The following TRAF7 variants were observed in gnomAD, a reference collection of about 807,000 sequenced individuals.
The protein encoded by TRAF7 is TNF receptor associated factor 7.
A neutral mutation model predicts 89.3 loss-of-function variants in TRAF7; 45 were observed. That is an observed-to-expected ratio of 0.50 (90% confidence interval 0.40 to 0.65). The LOEUF (loss-of-function observed/expected upper bound fraction) is 0.65, where lower values mean the gene tolerates loss of function less well. TRAF7 is among the 30% of genes least tolerant of loss of function. The pLI, the probability that TRAF7 is intolerant of heterozygous loss-of-function variation, is 0.00. For missense variants in TRAF7, 677 were observed against 918.1 expected (o/e 0.74, Z 3.39); for synonymous variants, 406 against 369.2 (o/e 1.10, Z -1.14).
chr16:2,176,538 T>G (rs1015064647), intron 20 of TRAF7, 22 bp from the exon 21 acceptor site: 1 of 1,613,238 alleles, frequency 6.2e-7, no homozygotes, highest in South Asian at 1.1e-5. Context: ...GACATCCTGG[T>G]GAAGCAGCCC....
Position 2,158,765 on chromosome 16 carries a change from C to T in TRAF7, c.-39+2907C>T, listed in dbSNP as rs555375461. Among the ~76,000 whole-genome samples the T allele has an allele frequency of 2.1e-3, 68 of 32,594 alleles. 1 individual carries two copies. In the East Asian group the frequency reaches 0.08, roughly 38 times the overall value. The allele number at this position is 32,594 out of a possible 152,430, so 21.4% of individuals were successfully genotyped here. On this transcript the variant is annotated intron_variant, in intron 1 of 20. Transcript: ENST00000326181. The surrounding 1 kb of genome is among the most constrained non-coding windows in gnomAD (Gnocchi z 4.7). ...AGCGTGGGACTGGGAAGCGTGGGCT[C>T]GGCGGGGGGGGGGGGGACACTGCCA...
Position 2,175,783 on chromosome 16 carries a change from C to T in TRAF7, c.1627-51C>T, listed in dbSNP as rs183953718. 114 of 1,606,580 alleles carry T rather than the reference C, an allele frequency of 7.1e-5. No individual in the cohort carries two copies. The African/African-American group carries it at 1.5e-3, about 21-fold the overall frequency. On this transcript the variant is annotated intron_variant, in intron 17 of 20. Transcript: ENST00000326181. ...CTGAAGCCCTGGGGGTGCGGGGGCCCTGGGGGTGAAGCACCTGGCCTGGGA... is the reference window on the plus strand; with the variant it reads ...CTGAAGCCCTGGGGGTGCGGGGGCCTTGGGGGTGAAGCACCTGGCCTGGGA...
chr16:2,160,797 G>T (rs1186720501), intron 1 of TRAF7, among the ~76,000 whole-genome samples: 3 of 152,032 alleles, frequency 2.0e-5, no homozygotes, highest in Admixed American at 6.5e-5. Flanking sequence ...CTTCCTGCCC[G>T]GCCACCCCCC....
chr16:2,165,693 C>T (rs554277228), intron 2 of TRAF7, among the ~76,000 whole-genome samples, 186 bp from the exon 3 acceptor site: 45 of 145,918 alleles, frequency 3.1e-4, no homozygotes, highest in Non-Finnish European at 5.3e-4. Context: ...GTTAGCGCTG[C>T]GTGGCGCGGC....
At chr16:2,157,801 G>A (rs2093041397) in intron 1 of TRAF7, among the ~76,000 whole-genome samples, 1 of 152,148 alleles carries the variant, frequency 6.6e-6, no homozygotes, top group South Asian at 2.1e-4. Flanking sequence ...GGCAGCCGTG[G>A]ACGAAGCAGA....
rs962874949 is a variant in TRAF7, at chr16:2,178,074, C to A, written c.*1500C>A. Reference sequence around the variant, plus strand: ...TTGTTAAAGTTATACCTTTTTGTTTCTCTGGGGAAATCCGCCTCAGCTCAT... The same window carrying A: ...TTGTTAAAGTTATACCTTTTTGTTTATCTGGGGAAATCCGCCTCAGCTCAT... On this transcript the variant is annotated 3_prime_UTR_variant, in exon 21 of 21. Coordinates refer to ENST00000326181, the MANE Select transcript of TRAF7 (RefSeq NM_032271.3). 1 of 486,874 alleles carries A rather than the reference C, an allele frequency of 2.1e-6. No individual in the cohort carries two copies. Among genetic ancestry groups the A allele is most frequent in the Admixed American group, 2.6e-5 (1 of 37,902 alleles). 30.2% of individuals were successfully genotyped at this position (486,874 alleles called of 1,614,324 possible). A position where few individuals can be genotyped will look rare whatever the true frequency, so the allele number is the denominator to read the frequency against.
At chr16:2,169,869 CA>C (rs2141282631) in intron 4 of TRAF7, among the ~76,000 whole-genome samples, 1 of 152,292 alleles carries the variant, frequency 6.6e-6, no homozygotes, top group East Asian at 1.9e-4. Context: ...GGAAGGGGGC[CA>C]GAGGCTCGGC....
intron 2 of TRAF7, among the ~76,000 whole-genome samples, chr16:2,165,038 A>C (rs1184346): frequency 5.4e-5 from 3 of 56,044 alleles, no homozygotes; most frequent in African/African-American, 1.0e-4. Context: ...TGAGTGCTGC[A>C]TGGCCTGGCC....
In TRAF7 at chr16:2,163,426, G is replaced by A. The variant is rs2093065456; in HGVS notation, c.-38-457G>A. On this transcript the variant is annotated intron_variant, in intron 1 of 20. Transcript: ENST00000326181. The surrounding 1 kb of genome is among the most constrained non-coding windows in gnomAD (Gnocchi z 4.3). ...GTCCTGACCGCACCTGTCGTGGCAG[G>A]AAACACATTCGTCGTGCCTTGGCTG... 5.6e-6 allele frequency: 1 copy of A among 178,908 alleles called. No individual in the cohort carries two copies. Among genetic ancestry groups the A allele is most frequent in the Admixed American group, 5.5e-5 (1 of 18,322 alleles). The allele number at this position is 178,908 out of a possible 1,614,324, so 11.1% of individuals were successfully genotyped here. A position where few individuals can be genotyped will look rare whatever the true frequency, so the allele number is the denominator to read the frequency against.
rs2093131912 is a variant in TRAF7 at position 2,175,500 on chromosome 16, G to T, written c.1504G>T (p.Val502Phe). The change falls in exon 17 of 21, where the codon GTC (valine) becomes TTC (phenylalanine). Residue 502 changes from valine (V) to phenylalanine (F), a missense_variant and splice_region_variant. By Grantham distance (50) the Val-to-Phe change is conservative. This residue lies in a region of TRAF7 where 160 missense variants were observed against 263.7 expected (regional missense o/e 0.61). Transcript: ENST00000326181. The part of the protein sequence containing the change: ...LFSGSLKAIK[V>F]WDIVGTELKL... ...CCCACAGTTGCAGCAATCCCTGCAG[G>T]TCTGGGACATCGTGGGCACTGAGCT... is the stretch of plus-strand genomic sequence containing the variant. 1 of 1,613,382 alleles carries T rather than the reference G, an allele frequency of 6.2e-7. No homozygotes were observed. Among genetic ancestry groups the T allele is most frequent in the Non-Finnish European group, 8.5e-7 (1 of 1,179,964 alleles).
In TRAF7 at chr16:2,173,229, C is replaced by A. The variant is rs762428798; in HGVS notation, c.842C>A (p.Thr281Asn). 9 of 1,612,754 alleles carry A rather than the reference C, an allele frequency of 5.6e-6. No individual in the cohort carries two copies. Among genetic ancestry groups the A allele is most frequent in the Middle Eastern group, 1.6e-4 (1 of 6,062 alleles). Residue 281 changes from threonine (T) to asparagine (N), a missense_variant, in exon 10 of 21, where the codon ACT becomes AAT. Transcript: ENST00000326181. ...GACACTTACGAGACCCACCTGGAGA[C>A]TTGCCGCTTCGAGGGCCTGAAGGAG... is the stretch of plus-strand genomic sequence containing the variant. The part of the protein sequence containing the change: ...NQDTYETHLE[T>N]CRFEGLKEFL...
chr16:2,176,886 CTG>C lies in TRAF7; in HGVS notation c.*314_*315del. On this transcript the variant is annotated 3_prime_UTR_variant, in exon 21 of 21. Transcript: ENST00000326181. The stretch of plus-strand genomic sequence containing the variant: ...ACTCACCTTTTCTACCGTTTTTAGA[CTG>C]TATGTAGATTTGGTTACCTCCTGGT... 2 of 540,738 alleles carry C rather than the reference CTG, an allele frequency of 3.7e-6. No individual in the cohort carries two copies. The highest frequency in any genetic ancestry group is 6.7e-6 in the Non-Finnish European group (2 of 299,102). 33.5% of individuals were successfully genotyped at this position (540,738 alleles called of 1,614,324 possible).
At chr16:2,172,768 G>A (rs76073047) in intron 9 of TRAF7, among the ~76,000 whole-genome samples, 169 bp downstream of exon 9, 5,280 of 152,224 alleles carry the variant, frequency 0.035, 152 homozygotes, top group Non-Finnish European at 0.047. Flanking sequence ...AGGGGGAGCC[G>A]AGGGCGTCCA....
In TRAF7 at chr16:2,157,244, A is replaced by G. The variant is rs566812883; in HGVS notation, c.-39+1386A>G. Among the ~76,000 whole-genome samples, 67 of 151,810 alleles carry G rather than the reference A, an allele frequency of 4.4e-4. 1 individual carries two copies. Among genetic ancestry groups the G allele is most frequent in the African/African-American group, 1.5e-3 (62 of 41,378 alleles). On this transcript the variant is annotated intron_variant, in intron 1 of 20. Transcript: ENST00000326181. ...CCTGACTTCACTGTTCTGGGCATTC[A>G]TAGTTCTCTGTGGAAGCCTCGGGCC...
Position 2,161,659 on chromosome 16 carries a change from G to T in TRAF7, c.-38-2224G>T, listed in dbSNP as rs767776886. 6.6e-5 allele frequency among the ~76,000 whole-genome samples: 10 copies of T among 152,180 alleles called. No homozygotes were observed. Among genetic ancestry groups the T allele is most frequent in the Admixed American group, 6.5e-5 (1 of 15,286 alleles). ...GTGATCCCCTCCCTGCTCCCAGAGG[G>T]CAGGAGCCAACCTGGGGCTCCCAAA... On this transcript the variant is annotated intron_variant, in intron 1 of 20. Coordinates refer to ENST00000326181, the MANE Select transcript of TRAF7 (RefSeq NM_032271.3). The surrounding 1 kb of genome is among the most constrained non-coding windows in gnomAD (Gnocchi z 5.2).
At position 2,172,222 on chromosome 16, in the gene TRAF7, C is replaced by T. The variant is rs749990933; in HGVS notation, c.507C>T (p.Thr169=). The change falls in exon 8 of 21, where the codon ACC becomes ACT. Residue 169 remains threonine, a synonymous_variant. Transcript: ENST00000326181. ...EKCPVDNVKL[T]VVVNNIAVAE... is the part of the protein sequence containing the mutation. ...GTCCCGTGGACAACGTCAAACTGACCGTGGTGGTGAACAACATCGCGGTGG... is the reference window on the plus strand; with the variant it reads ...GTCCCGTGGACAACGTCAAACTGACTGTGGTGGTGAACAACATCGCGGTGG... 2.0e-5 allele frequency: 32 copies of T among 1,612,948 alleles called. No homozygotes were observed. The highest frequency in any genetic ancestry group is 1.5e-4 in the Admixed American group (9 of 60,000).
At chr16:2,170,003 C>A (rs977664567) in intron 4 of TRAF7, among the ~76,000 whole-genome samples, 3 of 152,188 alleles carry the variant, frequency 2.0e-5, no homozygotes, top group Non-Finnish European at 2.9e-5. Flanking sequence ...TCTGCCCCTC[C>A]CCCAGGCTCC....
At chr16:2,170,902 C>T (rs996216920) in intron 5 of TRAF7, among the ~76,000 whole-genome samples, 172 bp downstream of exon 5, 8 of 152,226 alleles carry the variant, frequency 5.3e-5, no homozygotes, top group South Asian at 2.1e-4. Flanking sequence ...GGGACCAGGC[C>T]GGGTCCCCTG....
In TRAF7 at chr16:2,175,968, T is replaced by C; in HGVS notation, c.1746+15T>C. On this transcript the variant is annotated intron_variant, in intron 18 of 20. Coordinates refer to ENST00000326181, the MANE Select transcript of TRAF7 (RefSeq NM_032271.3). Reference sequence around the variant, plus strand: ...ACCTCATCCACGTAAGGCCTGGGCATCTGGGTGCAAGGCCAGACTGTGGCC... The same window carrying C: ...ACCTCATCCACGTAAGGCCTGGGCACCTGGGTGCAAGGCCAGACTGTGGCC... 1 of 1,612,984 alleles carries C rather than the reference T, an allele frequency of 6.2e-7. No homozygotes were observed. The highest frequency in any genetic ancestry group is 2.2e-5 in the East Asian group (1 of 44,874).
Sources: allele counts gnomAD v4.1 joint callset (sites outside exome capture counted in the v4.1 genomes callset), GRCh38; gene constraint gnomAD v4.1.1; regional missense constraint gnomAD v4.1.1; non-coding constraint Gnocchi (gnomAD v3.1); transcripts MANE v1.5; gene names NCBI Gene and HGNC (gene_info 2026-07-23, HGNC 2026-07-21).